HLA-DRB5: variants seen among roughly 807,000 people sequenced by gnomAD.
HLA-DRB5 encodes the protein major histocompatibility complex, class II, DR beta 5, also known as DR beta-5.
A neutral mutation model predicts 22.4 loss-of-function variants in HLA-DRB5; 11 were observed. The ratio of observed to expected loss-of-function variants is 0.49; its 90% CI spans 0.31 to 0.81. The LOEUF (loss-of-function observed/expected upper bound fraction) is 0.81. HLA-DRB5 is among the 40% of genes least tolerant of loss of function. The probability of loss-of-function intolerance (pLI) is 0.05; values close to 1 mark genes in which losing one functional copy is unlikely to be tolerated. For missense variants in HLA-DRB5, 106 were observed against 274.4 expected (o/e 0.39, Z 4.34); for synonymous variants, 57 against 106.0 (o/e 0.54, Z 2.84).
intron 1 of HLA-DRB5, among the ~76,000 whole-genome samples, chr6:32,529,189 G>GAC: frequency 7.5e-6 from 1 of 133,860 alleles, no homozygotes; most frequent in African/African-American, 2.7e-5. Flanking sequence ...AGCCCTATGA[G>GAC]ATGTGAACAA....
chr6:32,524,801 G>A (rs116589851), intron 1 of HLA-DRB5, among the ~76,000 whole-genome samples: 227 of 84,520 alleles, frequency 2.7e-3, no homozygotes, highest in Middle Eastern at 7.9e-3. Context: ...TCCCACTTAG[G>A]GTTGACAGAT....
intron 2 of HLA-DRB5, among the ~76,000 whole-genome samples, chr6:32,520,581 G>C (rs867802965): frequency 0.28 from 14,862 of 53,938 alleles, 3,187 homozygotes; most frequent in African/African-American, 0.32. Flanking sequence ...TTTCCAGAAT[G>C]ACATTTGGAT....
chr6:32,521,931 C>G lies in HLA-DRB5; in HGVS notation c.344G>C (p.Gly115Ala). Reference protein sequence around the residue: ...DTYCRHNYGVGESFTVQRRVE... With the variant: ...DTYCRHNYGVAESFTVQRRVE... ...TCGCCGCTGCACTGTGAAGCTCTCACCAACCCCGTAGTTGTGTCTGCAGTA... is the reference window on the plus strand; with the variant it reads ...TCGCCGCTGCACTGTGAAGCTCTCAGCAACCCCGTAGTTGTGTCTGCAGTA... Residue 115 changes from glycine (G) to alanine (A), a missense_variant, in exon 2 of 6, where the codon GGT (glycine) becomes GCT (alanine). Gly to Ala is a moderately conservative substitution (Grantham distance 60). Coordinates refer to ENST00000374975, the MANE Select transcript of HLA-DRB5 (RefSeq NM_002125.4). The G allele has an allele frequency of 8.1e-7, 1 of 1,231,804 alleles. No individual in the cohort carries two copies. The highest frequency in any genetic ancestry group is 1.1e-6 in the Non-Finnish European group (1 of 910,354). 76.3% of individuals were successfully genotyped at this position (1,231,804 alleles called of 1,614,324 possible).
intron 1 of HLA-DRB5, among the ~76,000 whole-genome samples, chr6:32,526,051 T>A (rs865777887): frequency 1.1e-4 from 10 of 91,584 alleles, no homozygotes; most frequent in African/African-American, 2.0e-4. Context: ...TTCCTTTTGA[T>A]CCAGCTGGCT....
At position 32,530,194 on chromosome 6, in the gene HLA-DRB5, AG is replaced by A. The variant is rs1770212052; in HGVS notation, c.30del (p.Tyr11ThrfsTer5). On this transcript the variant is annotated frameshift_variant, in exon 1 of 6. Transcript: ENST00000374975. LOFTEE classifies it high-confidence loss of function. MVCLKLPGGSYMAKLTVTLM... is the reference protein window; with the variant it reads MVCLKLPGGXYMAKLTVTLM... ...AGTGTCACTGTCAGCTTTGCCATGT[AG>A]GAACCTCCAGGGAGCTTCAGACACA... The A allele has an allele frequency of 2.1e-6, 3 of 1,442,980 alleles. No homozygotes were observed. Among genetic ancestry groups the A allele is most frequent in the Non-Finnish European group, 2.9e-6 (3 of 1,051,464 alleles). 89.4% of individuals were successfully genotyped at this position (1,442,980 alleles called of 1,614,324 possible). A position where few individuals can be genotyped will look rare whatever the true frequency, so the allele number is the denominator to read the frequency against.
chr6:32,518,985 A>G (rs1768456185), intron 3 of HLA-DRB5, among the ~76,000 whole-genome samples: 1 of 103,636 alleles, frequency 9.6e-6, no homozygotes, highest in Non-Finnish European at 2.1e-5. Context: ...CTGATATTGG[A>G]CTCCCCTCAT....
chr6:32,525,644 T>C (rs112935374), intron 1 of HLA-DRB5, among the ~76,000 whole-genome samples: 40,301 of 57,870 alleles, frequency 0.7, 16,317 homozygotes, highest in Middle Eastern at 0.82. Flanking sequence ...ATCTGATTTC[T>C]AGCACCAAAT....
rs569202769 is a variant in HLA-DRB5 at position 32,529,694 on chromosome 6, T to C, written c.100+431A>G. On this transcript the variant is annotated intron_variant, in intron 1 of 5. Coordinates refer to ENST00000374975, the MANE Select transcript of HLA-DRB5 (RefSeq NM_002125.4). ...AGAGGAGCCAATATCACAGGTTCTG[T>C]CAAGGGCATAACACAGGATTGTCTA... Among the ~76,000 whole-genome samples, 173 of 118,020 alleles carry C rather than the reference T, an allele frequency of 1.5e-3. 30 individuals carry two copies. The highest frequency in any genetic ancestry group is 2.4e-3 in the Non-Finnish European group (137 of 57,076). 77.4% of individuals were successfully genotyped at this position (118,020 alleles called of 152,430 possible).
chr6:32,524,162 TG>T (rs1302465901), intron 1 of HLA-DRB5, among the ~76,000 whole-genome samples: 28,150 of 75,656 alleles, frequency 0.37, 3,767 homozygotes, highest in Middle Eastern at 0.46. Flanking sequence ...GAAAAATATC[TG>T]TGAATATCTT....
In HLA-DRB5 at chr6:32,518,572, G is replaced by A; in HGVS notation, c.747C>T (p.Tyr249=). ...GCTCCTCACCTTTCTGATTCTTGAA[G>A]TAGATGAATAGCCCGGCCCCAAGGA... ...LLFLGAGLFI[Y]FKNQKGHSGL... Residue 249 remains tyrosine, a synonymous_variant, in exon 4 of 6, where the codon TAC becomes TAT. Transcript: ENST00000374975. 1 of 575,856 alleles carries A rather than the reference G, an allele frequency of 1.7e-6. No homozygotes were observed. Among genetic ancestry groups the A allele is most frequent in the Admixed American group, 5.0e-5 (1 of 19,976 alleles). The allele number at this position is 575,856 out of a possible 1,614,324, so 35.7% of individuals were successfully genotyped here.
At chr6:32,528,305 A>G (rs1769870966) in intron 1 of HLA-DRB5, among the ~76,000 whole-genome samples, 1 of 69,000 alleles carries the variant, frequency 1.4e-5, no homozygotes, top group African/African-American at 5.8e-5. Flanking sequence ...TTATTGGGTT[A>G]GTGTCTGTCT....
At chr6:32,528,089 CA>C (rs1388299470) in intron 1 of HLA-DRB5, among the ~76,000 whole-genome samples, 2,146 of 27,830 alleles carry the variant, frequency 0.077, 85 homozygotes, top group Non-Finnish European at 0.092. Flanking sequence ...GCTTCCCCCC[CA>C]ATTCGGTCTC....
intron 1 of HLA-DRB5, among the ~76,000 whole-genome samples, chr6:32,524,472 C>G (rs114780493): frequency 0.015 from 1,354 of 91,650 alleles, no homozygotes; most frequent in East Asian, 0.034. Context: ...AAATTACCAG[C>G]CTTGGCCAGA....
chr6:32,524,217 A>G (rs74223613), intron 1 of HLA-DRB5, among the ~76,000 whole-genome samples: 12,137 of 122,536 alleles, frequency 0.099, 4 homozygotes, highest in Middle Eastern at 0.24. Context: ...TGGTCCCAAT[A>G]CAGTGCTATC....
intron 1 of HLA-DRB5, among the ~76,000 whole-genome samples, chr6:32,523,848 A>G (rs76468221): frequency 0.066 from 6,212 of 94,000 alleles, 448 homozygotes; most frequent in Non-Finnish European, 0.084. Flanking sequence ...AGTGTGAAAC[A>G]GTGCTCTCAG....
At chr6:32,527,149 TAACC>T (rs754698202) in intron 1 of HLA-DRB5, among the ~76,000 whole-genome samples, 2,830 of 90,468 alleles carry the variant, frequency 0.031, 35 homozygotes, top group Middle Eastern at 0.044. Context: ...ATAGTCTTCC[TAACC>T]ACTTGTCAAC....
At chr6:32,522,283 A>C in intron 1 of HLA-DRB5, 109 bp from the exon 2 acceptor site, 2 of 271,614 alleles carry the variant, frequency 7.4e-6, no homozygotes, top group South Asian at 3.9e-5. Flanking sequence ...TGGAACCTTA[A>C]CTGATCCCAA....
intron 1 of HLA-DRB5, among the ~76,000 whole-genome samples, chr6:32,526,020 C>T (rs113806002): frequency 0.11 from 7,830 of 73,858 alleles, 117 homozygotes; most frequent in Admixed American, 0.14. Flanking sequence ...CCTCCTGCTT[C>T]TCTTCAGCCT....
rs186186167 is a variant in HLA-DRB5, at chr6:32,527,974, T to A, written c.100+2151A>T. Among the ~76,000 whole-genome samples the A allele has an allele frequency of 1.8e-3, 65 of 35,566 alleles. 1 individual carries two copies. Among genetic ancestry groups the A allele is most frequent in the Admixed American group, 3.1e-3 (8 of 2,620 alleles). The allele number at this position is 35,566 out of a possible 152,430, so 23.3% of individuals were successfully genotyped here. On this transcript the variant is annotated intron_variant, in intron 1 of 5. Coordinates refer to ENST00000374975, the MANE Select transcript of HLA-DRB5 (RefSeq NM_002125.4). The stretch of plus-strand genomic sequence containing the variant: ...AGAGCCTGATATGAGGCTCCCGACT[T>A]CCTCTCTGCATCCTACCTCATCTTC...
Sources: gnomAD v4.1 joint callset for allele counts (sites outside exome capture counted in the v4.1 genomes callset) on GRCh38, gnomAD v4.1.1 for gene constraint, MANE v1.5 for transcripts, NCBI Gene and HGNC (gene_info 2026-07-23, HGNC 2026-07-21) for gene names.